The following CYP19A1 variants were observed in gnomAD, a reference collection of about 807,000 sequenced individuals.
CYP19A1 encodes cytochrome P450 family 19 subfamily A member 1, also known as aromatase.
CYP19A1 carries 32 observed loss-of-function variants against 44.4 expected under a neutral mutation model. That is an observed-to-expected ratio of 0.72 (90% CI 0.54 to 0.97). CYP19A1 has a LOEUF of 0.97. Ranked by LOEUF, CYP19A1 falls within the 50% of genes least tolerant of loss-of-function variation. CYP19A1 has a pLI of 0.00. For synonymous variants in CYP19A1, 212 were observed against 215.6 expected (o/e 0.98, Z 0.14); for missense variants, 598 against 637.8 (o/e 0.94, Z 0.67).
In CYP19A1 at chr15:51,338,513, C is replaced by G. The variant is rs549563644; in HGVS notation, c.-57G>C. On this transcript the variant is annotated 5_prime_UTR_variant, in exon 1 of 10. Coordinates refer to ENST00000396402, the MANE Select transcript of CYP19A1 (RefSeq NM_000103.4). Reference sequence around the variant, plus strand: ...TACATACGCGACGTCTGGAAGATCCCGAGCACAGGACCTTCCGTCCTGATA... The same window carrying G: ...TACATACGCGACGTCTGGAAGATCCGGAGCACAGGACCTTCCGTCCTGATA... The G allele has an allele frequency of 6.6e-6, 1 of 152,160 alleles. No individual in the cohort carries two copies. Among genetic ancestry groups the G allele is most frequent in the Non-Finnish European group, 1.5e-5 (1 of 68,050 alleles). The allele number at this position is 152,160 out of a possible 1,614,324, so 9.4% of individuals were successfully genotyped here.
intron 4 of CYP19A1, among the ~76,000 whole-genome samples, chr15:51,225,750 T>A (rs1433695666): frequency 6.6e-6 from 1 of 152,126 alleles, no homozygotes; most frequent in Non-Finnish European, 1.5e-5. Context: ...TTAGCAGATA[T>A]GACTAAGGTT....
chr15:51,213,289 C>T (rs1363063486), intron 8 of CYP19A1, among the ~76,000 whole-genome samples: 1 of 152,128 alleles, frequency 6.6e-6, no homozygotes, highest in African/African-American at 2.4e-5. Context: ...AGATGGACAC[C>T]CTCACTGTCT....
At chr15:51,325,226 T>A (rs1040343881) in intron 1 of CYP19A1, among the ~76,000 whole-genome samples, 1 of 152,046 alleles carries the variant, frequency 6.6e-6, no homozygotes, top group Non-Finnish European at 1.5e-5. Flanking sequence ...CCAAGCCAAG[T>A]TGCTACAGGG....
chr15:51,211,153 T>C, intron 9 of CYP19A1, 97 bp from the exon 10 acceptor site: 1 of 821,024 alleles, frequency 1.2e-6, no homozygotes, highest in Admixed American at 1.9e-5. Context: ...GTCAGAACAC[T>C]GTTTTGGGGT....
chr15:51,337,072 A>T (rs935197317), intron 1 of CYP19A1, among the ~76,000 whole-genome samples: 4 of 152,248 alleles, frequency 2.6e-5, no homozygotes, highest in African/African-American at 9.6e-5. Flanking sequence ...TGGTATTCAG[A>T]CGAGAACCCA....
At position 51,227,857 on chromosome 15, in the gene CYP19A1, T is replaced by G. The variant is rs775367580; in HGVS notation, c.373A>C (p.Ile125Leu). ...RFGSKLGLQC[I>L]GMHEKGIIFN... ...ATGATGCCTTTCTCATGCATACCGA[T>G]GCACTGCAGCCCAAGTTTGCTGCCG... The change falls in exon 4 of 10, where the codon ATC becomes CTC. Residue 125 changes from isoleucine to leucine, a missense_variant. Ile to Leu is a conservative substitution (Grantham distance 5). Coordinates refer to ENST00000396402, the MANE Select transcript of CYP19A1 (RefSeq NM_000103.4). The G allele has an allele frequency of 6.5e-7, 1 of 1,532,938 alleles. No individual in the cohort carries two copies. Among genetic ancestry groups the G allele is most frequent in the South Asian group, 1.1e-5 (1 of 89,438 alleles). 95.0% of individuals were successfully genotyped at this position (1,532,938 alleles called of 1,614,324 possible).
chr15:51,314,747 T>G (rs1354226835), intron 1 of CYP19A1, among the ~76,000 whole-genome samples: 2 of 152,216 alleles, frequency 1.3e-5, no homozygotes, highest in Admixed American at 6.5e-5. Context: ...CCCATTGCAA[T>G]TTTTCCTTGC....
intron 1 of CYP19A1, chr15:51,293,562 CG>C (rs2035896926): frequency 1.3e-5 from 2 of 149,734 alleles, no homozygotes; most frequent in Non-Finnish European, 2.9e-5. Flanking sequence ...CCTCTCCCCA[CG>C]GTCTCCCTCT....
intron 1 of CYP19A1, among the ~76,000 whole-genome samples, chr15:51,251,103 G>A (rs2034289809): frequency 6.6e-6 from 1 of 152,148 alleles, no homozygotes; most frequent in South Asian, 2.1e-4. Flanking sequence ...GGGGAGCACT[G>A]AAACTGCCTC....
At position 51,329,820 on chromosome 15, in the gene CYP19A1, A is replaced by G. The variant is rs563974961; in HGVS notation, c.-39+8675T>C. 1.1e-4 allele frequency among the ~76,000 whole-genome samples: 17 copies of G among 152,350 alleles called. No homozygotes were observed. The East Asian group carries it at 2.5e-3, about 22-fold the overall frequency. ...TGGGAGTATTAGATGAGCAAGATAC[A>G]GGAGTATTCCCAAGGAGTTCACAGC... On this transcript the variant is annotated intron_variant, in intron 1 of 9. Coordinates refer to ENST00000396402, the MANE Select transcript of CYP19A1 (RefSeq NM_000103.4).
intron 1 of CYP19A1, among the ~76,000 whole-genome samples, chr15:51,255,966 T>G (rs1463026978): frequency 6.6e-6 from 1 of 152,224 alleles, no homozygotes; most frequent in African/African-American, 2.4e-5. Context: ...CCCAAACAGT[T>G]CAGCTGAATT....
intron 1 of CYP19A1, among the ~76,000 whole-genome samples, chr15:51,286,060 G>A (rs542339052): frequency 9.2e-5 from 14 of 152,206 alleles, no homozygotes; most frequent in African/African-American, 3.4e-4. Flanking sequence ...CACCTAAAGG[G>A]AAGGCCAGAC....
intron 1 of CYP19A1, among the ~76,000 whole-genome samples, chr15:51,289,464 G>A (rs1173020256): frequency 6.6e-6 from 1 of 152,106 alleles, no homozygotes; most frequent in African/African-American, 2.4e-5. Context: ...CACCCACAGG[G>A]ACGTGAACTT....
chr15:51,312,910 G>A (rs2036342589), intron 1 of CYP19A1: 1 of 152,248 alleles, frequency 6.6e-6, no homozygotes, highest in Non-Finnish European at 1.5e-5. Flanking sequence ...GGGATGGATG[G>A]GACTCCTTCA....
chr15:51,328,306 C>T (rs996288988), intron 1 of CYP19A1, among the ~76,000 whole-genome samples: 1 of 152,176 alleles, frequency 6.6e-6, no homozygotes, highest in African/African-American at 2.4e-5. Flanking sequence ...AACAAGTTTT[C>T]ATGGACATAA....
At chr15:51,256,735 C>T (rs534288993) in intron 1 of CYP19A1, among the ~76,000 whole-genome samples, 11 of 152,314 alleles carry the variant, frequency 7.2e-5, no homozygotes, top group African/African-American at 2.6e-4. Context: ...TTCCATAAAA[C>T]ACCTAACACA....
intron 8 of CYP19A1, 65 bp downstream of exon 8, chr15:51,215,005 C>T (rs1192148233): frequency 5.1e-6 from 8 of 1,554,524 alleles, no homozygotes; most frequent in Non-Finnish European, 7.0e-6. Flanking sequence ...ATTCTTAGGA[C>T]ATAAGAAATG....
chr15:51,303,912 CA>C (rs1319043966), intron 1 of CYP19A1, among the ~76,000 whole-genome samples: 1 of 152,022 alleles, frequency 6.6e-6, no homozygotes. Flanking sequence ...TCCAAAGCAG[CA>C]AGTATAAAGG....
intron 1 of CYP19A1, among the ~76,000 whole-genome samples, chr15:51,308,980 A>T (rs934457106): frequency 3.3e-5 from 5 of 152,208 alleles, no homozygotes; most frequent in African/African-American, 1.2e-4. Context: ...CTCTGGCATT[A>T]CATCAATGCA....
Sources: gnomAD v4.1 joint callset for allele counts (sites outside exome capture counted in the v4.1 genomes callset) on GRCh38, gnomAD v4.1.1 for gene constraint, MANE v1.5 for transcripts, NCBI Gene and HGNC (gene_info 2026-07-23, HGNC 2026-07-21) for gene names.